The following NRXN3 variants were observed in gnomAD, a reference collection of about 807,000 sequenced individuals.
NRXN3 encodes neurexin III.
In NRXN3, 32 loss-of-function variants were observed where a neutral mutation model predicts 137.6. That is an observed-to-expected ratio of 0.23 (90% CI 0.18 to 0.31). The LOEUF (loss-of-function observed/expected upper bound fraction) is 0.31. Ranked by LOEUF, NRXN3 falls within the 10% of genes least tolerant of loss-of-function variation. The probability of loss-of-function intolerance (pLI) is 1.00; values close to 1 mark genes in which losing one functional copy is unlikely to be tolerated. For missense variants in NRXN3, 1,574 were observed against 2,062.5 expected, an observed-to-expected ratio of 0.76 and a Z score of 4.59; for synonymous variants, 798 against 784.5, an observed-to-expected ratio of 1.02 and a Z score of -0.29.
chr14:79,083,637 T>C (rs8020811), intron 15 of NRXN3, among the ~76,000 whole-genome samples: 76,832 of 152,106 alleles, frequency 0.51, 22,639 homozygotes, highest in East Asian at 0.78. Context: ...TGTTTTCCTA[T>C]GTAAAAAATA....
intron 4 of NRXN3, among the ~76,000 whole-genome samples, chr14:78,367,351 G>A (rs758532688): frequency 2.0e-5 from 3 of 151,874 alleles, no homozygotes; most frequent in Admixed American, 6.6e-5. Context: ...TTGTCCCTTG[G>A]AAGTTACTAA....
chr14:78,525,292 G>C (rs952728587), intron 4 of NRXN3, among the ~76,000 whole-genome samples: 2 of 152,190 alleles, frequency 1.3e-5, no homozygotes, highest in African/African-American at 4.8e-5. Context: ...CACACTGCTG[G>C]TATGGGTCAG....
chr14:79,280,828 A>C, intron 15 of NRXN3: 2 of 368,020 alleles, frequency 5.4e-6, no homozygotes, highest in South Asian at 3.0e-5. Context: ...GCAACCTTCT[A>C]CTCTCTCCAC....
chr14:79,538,236 G>A (rs536800147), intron 16 of NRXN3, among the ~76,000 whole-genome samples: 62 of 152,082 alleles, frequency 4.1e-4, no homozygotes, highest in Admixed American at 1.3e-3. Flanking sequence ...CTCCCATTTT[G>A]TAGGTTGCTT....
At chr14:79,661,050 TAAG>T (rs142149898) in intron 16 of NRXN3, among the ~76,000 whole-genome samples, 1,689 of 152,074 alleles carry the variant, frequency 0.011, 26 homozygotes, top group African/African-American at 0.037. Context: ...CCTTGAGAAA[TAAG>T]AAGAATAAAA....
intron 4 of NRXN3, among the ~76,000 whole-genome samples, chr14:78,428,476 G>A (rs546963724): frequency 2.6e-4 from 40 of 152,188 alleles, no homozygotes; most frequent in African/African-American, 7.9e-4. Flanking sequence ...AGGGTTCTTC[G>A]GAGAAACAGA....
intron 15 of NRXN3, among the ~76,000 whole-genome samples, chr14:79,345,419 A>G (rs1176088635): frequency 6.6e-6 from 1 of 152,184 alleles, no homozygotes; most frequent in African/African-American, 2.4e-5. Flanking sequence ...GGGTCACCAG[A>G]AACCTCTGAC....
chr14:79,420,396 C>T (rs930848516), intron 15 of NRXN3, among the ~76,000 whole-genome samples: 4 of 152,034 alleles, frequency 2.6e-5, no homozygotes, highest in African/African-American at 9.7e-5. Context: ...AAAAATCAGA[C>T]CTTGGCAAAT....
chr14:79,073,913 C>T (rs2099691743), intron 15 of NRXN3, among the ~76,000 whole-genome samples: 1 of 152,162 alleles, frequency 6.6e-6, no homozygotes, highest in African/African-American at 2.4e-5. Flanking sequence ...CTCTCTGTGC[C>T]TAGTAACCAC....
At chr14:78,446,020 C>G (rs2094408456) in intron 4 of NRXN3, among the ~76,000 whole-genome samples, 1 of 152,142 alleles carries the variant, frequency 6.6e-6, no homozygotes, top group African/African-American at 2.4e-5. Flanking sequence ...ACAGCTTCGG[C>G]ATAGACCCCA....
intron 14 of NRXN3, among the ~76,000 whole-genome samples, chr14:78,969,298 A>G (rs2099429674): frequency 6.6e-6 from 1 of 152,196 alleles, no homozygotes; most frequent in African/African-American, 2.4e-5. Context: ...AGTGTAAACA[A>G]TCTAGTTTTA....
intron 19 of NRXN3, among the ~76,000 whole-genome samples, chr14:79,699,103 G>A (rs145303543): frequency 5.3e-4 from 80 of 151,838 alleles, no homozygotes; most frequent in East Asian, 2.7e-3. Context: ...CAATTTTATC[G>A]TTTTCAAAAG....
chr14:78,890,354 A>G (rs2099155489), intron 10 of NRXN3, among the ~76,000 whole-genome samples: 1 of 151,954 alleles, frequency 6.6e-6, no homozygotes. Context: ...TGAAAATATC[A>G]TTGCCTGGTA....
At chr14:78,663,785 G>T (rs922673744) in intron 6 of NRXN3, among the ~76,000 whole-genome samples, 1 of 152,028 alleles carries the variant, frequency 6.6e-6, no homozygotes, top group Non-Finnish European at 1.5e-5. Context: ...TACAGCAAAT[G>T]TAATCTACCA....
chr14:78,771,116 C>T (rs1167215944), intron 8 of NRXN3, among the ~76,000 whole-genome samples: 1 of 152,164 alleles, frequency 6.6e-6, no homozygotes, highest in South Asian at 2.1e-4. Flanking sequence ...TTGTGCAGAA[C>T]CCCTTCAGAG....
intron 6 of NRXN3, among the ~76,000 whole-genome samples, chr14:78,657,212 T>C (rs2097792328): frequency 1.3e-5 from 2 of 152,154 alleles, no homozygotes; most frequent in African/African-American, 4.8e-5. Flanking sequence ...TGCATTTCTC[T>C]TTTCCTCTGT....
chr14:79,209,974 G>T (rs1397210563), intron 15 of NRXN3, among the ~76,000 whole-genome samples: 1 of 152,188 alleles, frequency 6.6e-6, no homozygotes, highest in Non-Finnish European at 1.5e-5. Flanking sequence ...AGTTATTAGA[G>T]TATCAATGGC....
At chr14:78,395,772 A>G (rs1008004664) in intron 4 of NRXN3, among the ~76,000 whole-genome samples, 1 of 151,670 alleles carries the variant, frequency 6.6e-6, no homozygotes, top group African/African-American at 2.4e-5. Context: ...TTTTGTCCTG[A>G]AGTCTAATGT....
rs1189963751 is a variant in NRXN3 at position 78,988,141 on chromosome 14, C to T, written c.3262C>T (p.Pro1088Ser). 6 of 1,613,654 alleles carry T rather than the reference C, an allele frequency of 3.7e-6. No individual in the cohort carries two copies. The highest frequency in any genetic ancestry group is 5.1e-6 in the Non-Finnish European group (6 of 1,179,750). Residue 1088 changes from proline (P) to serine (S), a missense_variant and splice_region_variant, in exon 15 of 21, where the codon CCT becomes TCT. Pro to Ser is a moderately conservative substitution (Grantham distance 74). Transcript: ENST00000335750. Reference protein sequence around the residue: ...TSYSGNQCNDPGATYIFGKSG... With the variant: ...TSYSGNQCNDSGATYIFGKSG... ...TTATTCTGGAAACCAGTGCAATGAT[C>T]GTAAGTACAACAACCTTTCATACTG...
Sources: gnomAD v4.1 joint callset for allele counts (sites outside exome capture counted in the v4.1 genomes callset) on GRCh38, gnomAD v4.1.1 for gene constraint, MANE v1.5 for transcripts, NCBI Gene and HGNC (gene_info 2026-07-23, HGNC 2026-07-21) for gene names.